The following PCSK6 variants were observed in gnomAD, a reference collection of about 807,000 sequenced individuals.
PCSK6 encodes paired basic amino acid cleaving enzyme 4.
A neutral mutation model predicts 123.3 loss-of-function variants in PCSK6; 85 were observed. The observed-to-expected ratio is 0.69, with a 90% CI of 0.58 to 0.83. PCSK6 has a LOEUF of 0.83. Among genes scored for constraint, PCSK6 ranks in the 40% least tolerant of loss-of-function variants. PCSK6 has a pLI of 0.00. For synonymous variants in PCSK6, 508 were observed against 516.0 expected, an observed-to-expected ratio of 0.98 and a Z score of 0.21; for missense variants, 1,191 against 1,282.3, an observed-to-expected ratio of 0.93 and a Z score of 1.09.
intron 1 of PCSK6, among the ~76,000 whole-genome samples, chr15:101,463,245 G>A (rs889615763): frequency 6.6e-6 from 1 of 152,168 alleles, no homozygotes; most frequent in Non-Finnish European, 1.5e-5. Flanking sequence ...GACGAGAGAG[G>A]CAGGTTGGGA....
intron 1 of PCSK6, among the ~76,000 whole-genome samples, chr15:101,479,053 C>G (rs2141257667): frequency 6.6e-6 from 1 of 152,276 alleles, no homozygotes; most frequent in African/African-American, 2.4e-5. Flanking sequence ...CCTCAGGAAG[C>G]AAAATGAGTC....
intron 7 of PCSK6, among the ~76,000 whole-genome samples, chr15:101,394,136 TG>T (rs2042325153): frequency 5.3e-5 from 3 of 56,258 alleles, no homozygotes; most frequent in Non-Finnish European, 1.1e-4. Flanking sequence ...TCCGTTTTTT[TG>T]TTTTTTGTTT....
intron 9 of PCSK6, among the ~76,000 whole-genome samples, chr15:101,388,220 T>G (rs3825904): frequency 0.62 from 94,702 of 152,188 alleles, 30,609 homozygotes; most frequent in Admixed American, 0.73. Context: ...GCTAACATTT[T>G]GGCCTGGAAA....
chr15:101,429,293 CAA>C (rs2056366996), intron 5 of PCSK6, among the ~76,000 whole-genome samples: 1 of 152,304 alleles, frequency 6.6e-6, no homozygotes, highest in Non-Finnish European at 1.5e-5. Context: ...GTTTACACTG[CAA>C]AGTCACCTGG....
intron 2 of PCSK6, among the ~76,000 whole-genome samples, chr15:101,433,609 G>A (rs2056511861): frequency 6.6e-6 from 1 of 152,252 alleles, no homozygotes; most frequent in African/African-American, 2.4e-5. Flanking sequence ...AGAGGCAGGG[G>A]AGGAACAAGA....
At chr15:101,486,032 CG>C (rs1411467018) in intron 1 of PCSK6, among the ~76,000 whole-genome samples, 1 of 144,648 alleles carries the variant, frequency 6.9e-6, no homozygotes, top group African/African-American at 2.6e-5. Flanking sequence ...GGTGCGGTCT[CG>C]GTTCACTGCA....
chr15:101,326,670 C>G (rs1039591824), intron 15 of PCSK6, among the ~76,000 whole-genome samples, 191 bp from the exon 16 acceptor site: 1 of 152,218 alleles, frequency 6.6e-6, no homozygotes, highest in African/African-American at 2.4e-5. Flanking sequence ...AGCTGAGCCT[C>G]GCTGGGCTCC....
Position 101,313,541 on chromosome 15 carries a change from T to C in PCSK6, c.2570-36A>G, listed in dbSNP as rs372218498. The C allele has an allele frequency of 2.8e-5, 44 of 1,566,090 alleles. No individual in the cohort carries two copies. In the African/African-American group the frequency reaches 5.6e-4, roughly 20 times the overall value. ...CAGGAAAAGAAGCAGGTATCAGGGA[T>C]GGCTGGCAGAAGACCATGCCCCAGG... On this transcript the variant is annotated intron_variant, in intron 19 of 21. Coordinates refer to ENST00000611716, the MANE Select transcript of PCSK6 (RefSeq NM_002570.5).
In PCSK6 at chr15:101,331,954, G is replaced by A. The variant is rs531121474; in HGVS notation, c.1936C>T (p.Arg646Cys). 4.1e-5 allele frequency: 66 copies of A among 1,613,826 alleles called. No individual in the cohort carries two copies. The highest frequency in any genetic ancestry group is 5.0e-5 in the Non-Finnish European group (59 of 1,179,840). Residue 646 changes from arginine to cysteine, a missense_variant, in exon 14 of 22, where the codon CGC becomes TGC. By Grantham distance (180) the Arg-to-Cys change is radical. This residue lies in a region of PCSK6 where 630 missense variants were observed against 631.4 expected (regional missense o/e 1.00). Coordinates refer to ENST00000611716, the MANE Select transcript of PCSK6 (RefSeq NM_002570.5). The stretch of plus-strand genomic sequence containing the variant: ...GCTGAGAGCTCCAGCATCCGCGAGC[G>A]GGACTGATGGGCACTGAAGGTGTGG... ...PYHTFSAHQS[R>C]SRMLELSAPE...
chr15:101,464,978 C>T (rs1304034592), intron 1 of PCSK6, among the ~76,000 whole-genome samples: 3 of 152,030 alleles, frequency 2.0e-5, no homozygotes, highest in Non-Finnish European at 4.4e-5. Flanking sequence ...GTACTTGACT[C>T]GCAGGACCTG....
intron 2 of PCSK6, among the ~76,000 whole-genome samples, chr15:101,437,978 C>T (rs921825523): frequency 2.6e-5 from 4 of 152,128 alleles, no homozygotes; most frequent in African/African-American, 2.4e-5. Context: ...GACCCTAATC[C>T]AATCTGGCCA....
At chr15:101,319,333 G>C (rs1567139621) in intron 18 of PCSK6, among the ~76,000 whole-genome samples, 1 of 152,154 alleles carries the variant, frequency 6.6e-6, no homozygotes, top group Non-Finnish European at 1.5e-5. Context: ...GCTCTGGGGT[G>C]CATCTGTCAG....
chr15:101,313,508 G>T lies in PCSK6; in HGVS notation c.2570-3C>A. The T allele has an allele frequency of 6.3e-7, 1 of 1,592,376 alleles. No homozygotes were observed. On this transcript the variant is annotated splice_polypyrimidine_tract_variant and splice_region_variant and intron_variant, in intron 19 of 21. Transcript: ENST00000611716. ...AATGCACTCTTCTCTGCCTGGCCCT[G>T]AGAGACACAGGAAAAGAAGCAGGTA...
At chr15:101,464,689 T>A (rs1170185048) in intron 1 of PCSK6, among the ~76,000 whole-genome samples, 1 of 152,102 alleles carries the variant, frequency 6.6e-6, no homozygotes, top group Non-Finnish European at 1.5e-5. Flanking sequence ...GCTGGAGGGA[T>A]CTACTGCGTG....
chr15:101,363,447 G>A (rs989154123), intron 13 of PCSK6, among the ~76,000 whole-genome samples: 3 of 152,208 alleles, frequency 2.0e-5, no homozygotes, highest in African/African-American at 4.8e-5. Context: ...ACTCTGCCTT[G>A]TGCCCACGAA....
chr15:101,398,333 C>G lies in PCSK6; in HGVS notation c.996+71G>C. On this transcript the variant is annotated intron_variant, in intron 7 of 21. Coordinates refer to ENST00000611716, the MANE Select transcript of PCSK6 (RefSeq NM_002570.5). The surrounding 1 kb of genome is among the most constrained non-coding windows in gnomAD (Gnocchi z 4.6). Reference sequence around the variant, plus strand: ...TTTCAGGGCTGTGGCCAGTGTCACTCTGATACTTGTTAAAATGTTTACTGT... The same window carrying G: ...TTTCAGGGCTGTGGCCAGTGTCACTGTGATACTTGTTAAAATGTTTACTGT... The G allele has an allele frequency of 6.6e-7, 1 of 1,518,640 alleles. No individual in the cohort carries two copies. Among genetic ancestry groups the G allele is most frequent in the Admixed American group, 1.9e-5 (1 of 53,974 alleles). The allele number at this position is 1,518,640 out of a possible 1,614,324, so 94.1% of individuals were successfully genotyped here.
At chr15:101,458,455 A>T (rs982540428) in intron 1 of PCSK6, among the ~76,000 whole-genome samples, 16 of 152,114 alleles carry the variant, frequency 1.1e-4, no homozygotes, top group Non-Finnish European at 2.2e-4. Flanking sequence ...GTACACAGTC[A>T]CTGGACCCCC....
At chr15:101,422,747 A>G (rs2056124709) in intron 6 of PCSK6, among the ~76,000 whole-genome samples, 1 of 151,618 alleles carries the variant, frequency 6.6e-6, no homozygotes, top group South Asian at 2.1e-4. Flanking sequence ...TCAGCCTCCC[A>G]AGTAGCTGGG....
Position 101,429,196 on chromosome 15 carries a change from G to A in PCSK6, c.734+791C>T, listed in dbSNP as rs540464839. Among the ~76,000 whole-genome samples, 146 of 152,214 alleles carry A rather than the reference G, an allele frequency of 9.6e-4. 1 individual carries two copies. Among genetic ancestry groups the A allele is most frequent in the African/African-American group, 3.3e-3 (138 of 41,528 alleles). The stretch of plus-strand genomic sequence containing the variant: ...TATTTCCCTCTAAATATTTTTAGAG[G>A]AATGATAAGAGCTCAGGGTATGGGG... On this transcript the variant is annotated intron_variant, in intron 5 of 21. Coordinates refer to ENST00000611716, the MANE Select transcript of PCSK6 (RefSeq NM_002570.5).
Sources: gnomAD v4.1 joint callset for allele counts (sites outside exome capture counted in the v4.1 genomes callset) on GRCh38, gnomAD v4.1.1 for gene constraint, gnomAD v4.1.1 regional missense constraint, Gnocchi (gnomAD v3.1) non-coding constraint, MANE v1.5 for transcripts, NCBI Gene and HGNC (gene_info 2026-07-23, HGNC 2026-07-21) for gene names.